The following NBAS variants were observed in gnomAD, a reference collection of about 807,000 sequenced individuals.
The protein encoded by NBAS is NBAS subunit of NRZ tethering complex.
A neutral mutation model predicts 302.5 loss-of-function variants in NBAS; 219 were observed. That is an observed-to-expected ratio of 0.72 (90% confidence interval 0.65 to 0.81). NBAS has a LOEUF of 0.81. Among genes scored for constraint, NBAS ranks in the 30% least tolerant of loss-of-function variants. The pLI is 0.00. For synonymous variants in NBAS, 1,118 were observed against 1,021.6 expected, an observed-to-expected ratio of 1.09 and a Z score of -1.80; for missense variants, 2,932 against 2,841.6, an observed-to-expected ratio of 1.03 and a Z score of -0.72.
Position 15,415,630 on chromosome 2 carries a change from A to C in NBAS, c.2853T>G (p.Asn951Lys), listed in dbSNP as rs1041925689. Reference protein sequence around the residue: ...RCEKQSPGVANELLKEYLVTL... With the variant: ...RCEKQSPGVAKELLKEYLVTL... ...TTACTAAATATTCTTTTAATAGCTCATTAGCCACACCAGGCGACTGTTTCT... is the reference window on the plus strand; with the variant it reads ...TTACTAAATATTCTTTTAATAGCTCCTTAGCCACACCAGGCGACTGTTTCT... The change falls in exon 25 of 52, where the codon AAT (asparagine) becomes AAG (lysine). Residue 951 changes from asparagine (N) to lysine (K), a missense_variant. Coordinates refer to ENST00000281513, the MANE Select transcript of NBAS (RefSeq NM_015909.4). 3 of 1,614,142 alleles carry C rather than the reference A, an allele frequency of 1.9e-6. No individual in the cohort carries two copies. The highest frequency in any genetic ancestry group is 1.7e-6 in the Non-Finnish European group (2 of 1,179,968).
chr2:15,450,935 A>G (rs1032444158), intron 21 of NBAS, among the ~76,000 whole-genome samples: 1 of 152,212 alleles, frequency 6.6e-6, no homozygotes, highest in Non-Finnish European at 1.5e-5. Context: ...CTTCTTATGG[A>G]AGACAACCTT....
At chr2:15,476,136 G>A (rs977281598) in intron 13 of NBAS, among the ~76,000 whole-genome samples, 1 of 152,056 alleles carries the variant, frequency 6.6e-6, no homozygotes, top group African/African-American at 2.4e-5. Context: ...AGGATACAAA[G>A]GCAAATAAAC....
At chr2:15,207,181 A>G (rs1001564399) in intron 48 of NBAS, among the ~76,000 whole-genome samples, 1 of 152,216 alleles carries the variant, frequency 6.6e-6, no homozygotes, top group African/African-American at 2.4e-5. Context: ...AGCCCTGGAT[A>G]TGAGACATGG....
intron 47 of NBAS, among the ~76,000 whole-genome samples, chr2:15,229,399 C>T (rs188530700): frequency 3.0e-5 from 4 of 132,840 alleles, no homozygotes; most frequent in Non-Finnish European, 6.5e-5. Flanking sequence ...ACCACCTAAA[C>T]GTGTACAATT....
chr2:15,174,703 A>G (rs1572395479), intron 51 of NBAS, among the ~76,000 whole-genome samples: 1 of 152,216 alleles, frequency 6.6e-6, no homozygotes, highest in Non-Finnish European at 1.5e-5. Flanking sequence ...TACTTAGGTT[A>G]AAAGCAGAAG....
intron 51 of NBAS, among the ~76,000 whole-genome samples, chr2:15,168,732 C>T (rs113616974): frequency 0.012 from 1,887 of 152,326 alleles, 45 homozygotes; most frequent in Admixed American, 0.06. Context: ...TGGGTTCAAG[C>T]GGTTCTCCTG....
chr2:14,914,132 G>A, the NBAS span, among the ~76,000 whole-genome samples: 1 of 152,074 alleles, frequency 6.6e-6, no homozygotes, highest in Non-Finnish European at 1.5e-5. Context: ...TCACTACCAC[G>A]AGAACAGTAT....
At chr2:15,092,152 C>G in the NBAS span, among the ~76,000 whole-genome samples, 2 of 152,200 alleles carry the variant, frequency 1.3e-5, no homozygotes, top group Non-Finnish European at 2.9e-5. Context: ...CACACTACTT[C>G]TCCACTTCAA....
In NBAS at chr2:15,385,042, C is replaced by A. The variant is rs1056362711; in HGVS notation, c.3258-1725G>T. Among the ~76,000 whole-genome samples, 11 of 152,258 alleles carry A rather than the reference C, an allele frequency of 7.2e-5. No homozygotes were observed. The South Asian group carries it at 1.2e-3, about 17-fold the overall frequency. On this transcript the variant is annotated intron_variant, in intron 28 of 51. Transcript: ENST00000281513. Reference sequence around the variant, plus strand: ...TAAAATTTTTAATAAGCACATGCTTCATTTGCCTATGCATTTAATATTTAT... The same window carrying A: ...TAAAATTTTTAATAAGCACATGCTTAATTTGCCTATGCATTTAATATTTAT...
At chr2:15,451,482 A>C (rs1338525127) in intron 21 of NBAS, among the ~76,000 whole-genome samples, 1 of 152,196 alleles carries the variant, frequency 6.6e-6, no homozygotes, top group Admixed American at 6.5e-5. Flanking sequence ...TAAGGCCTAC[A>C]GTATAGTAAA....
At position 15,488,939 on chromosome 2, in the gene NBAS, C is replaced by T. The variant is rs542114730; in HGVS notation, c.1038G>A (p.Ala346=). 3.7e-6 allele frequency: 6 copies of T among 1,613,892 alleles called. No homozygotes were observed. Among genetic ancestry groups the T allele is most frequent in the East Asian group, 4.5e-5 (2 of 44,850 alleles). ...IHFSGKLSIW[A]IPSLKQQGEW... ...CCCCTTGTTGCTTCAGAGATGGAAT[C>T]GCCCAGATGCTCAGTTTCCCTGAGA... The change falls in exon 12 of 52, where the codon GCG becomes GCA. Residue 346 remains alanine, a synonymous_variant. Coordinates refer to ENST00000281513, the MANE Select transcript of NBAS (RefSeq NM_015909.4).
At chr2:15,077,914 C>T in the NBAS span, among the ~76,000 whole-genome samples, 2 of 151,910 alleles carry the variant, frequency 1.3e-5, no homozygotes, top group African/African-American at 2.4e-5. Flanking sequence ...GAACTCCTGA[C>T]CTTGTGATCT....
At chr2:15,428,871 G>A (rs916949947) in intron 21 of NBAS, among the ~76,000 whole-genome samples, 2 of 150,088 alleles carry the variant, frequency 1.3e-5, no homozygotes, top group East Asian at 1.9e-4. Flanking sequence ...GTGAAACCCC[G>A]TTTCTACTAA....
the NBAS span, among the ~76,000 whole-genome samples, chr2:14,951,137 A>C: frequency 1.3e-5 from 2 of 152,234 alleles, no homozygotes; most frequent in Non-Finnish European, 2.9e-5. Context: ...TGCCTCCATC[A>C]GCGAATGTGA....
At chr2:15,316,354 A>G (rs181352765) in intron 38 of NBAS, among the ~76,000 whole-genome samples, 4 of 152,222 alleles carry the variant, frequency 2.6e-5, no homozygotes, top group Admixed American at 2.0e-4. Context: ...TACCTGGTTC[A>G]TCTCACTGGG....
At chr2:15,512,030 C>T (rs996470887) in intron 9 of NBAS, among the ~76,000 whole-genome samples, 3 of 152,068 alleles carry the variant, frequency 2.0e-5, no homozygotes, top group African/African-American at 7.2e-5. Context: ...GTACTTCTGG[C>T]AGGGATCTGT....
intron 26 of NBAS, among the ~76,000 whole-genome samples, chr2:15,398,832 G>A (rs940294938): frequency 6.6e-6 from 1 of 152,108 alleles, no homozygotes; most frequent in Non-Finnish European, 1.5e-5. Flanking sequence ...TTAGAAACAT[G>A]AAATGCAATC....
rs781152225 is a variant in NBAS at position 15,328,259 on chromosome 2, T to C, written c.4401A>G (p.Leu1467=). 112 of 1,613,844 alleles carry C rather than the reference T, an allele frequency of 6.9e-5. No homozygotes were observed. Among genetic ancestry groups the C allele is most frequent in the Non-Finnish European group, 9.3e-5 (110 of 1,179,916 alleles). The change falls in exon 37 of 52, where the codon CTA becomes CTG. Residue 1467 remains leucine, a synonymous_variant. Transcript: ENST00000281513. ...AAAAAGGATGACACCCTTGTTTCTCTAGATCTTCATTGGCTGTAGTTCCGA... is the reference window on the plus strand; with the variant it reads ...AAAAAGGATGACACCCTTGTTTCTCCAGATCTTCATTGGCTGTAGTTCCGA... The part of the protein sequence containing the change: ...YQIGTTANED[L]EKQGCHPFYE...
rs748880753 is a variant in NBAS at position 15,534,609 on chromosome 2, T to G, written c.680A>C (p.His227Pro). The part of the protein sequence containing the change: ...VGTNQSYQES[H>P]CFSFSSHYPH... ...ATAATGACTACTGAAGCTGAAACAG[T>G]GACTTTCTTGGTAGCTCTGATTTGT... The change falls in exon 9 of 52, where the codon CAC (histidine) becomes CCC (proline). Residue 227 changes from histidine (H) to proline (P), a missense_variant. Transcript: ENST00000281513. 5 of 1,613,720 alleles carry G rather than the reference T, an allele frequency of 3.1e-6. No homozygotes were observed. In the Admixed American group the frequency reaches 5.0e-5, roughly 16 times the overall value.
Sources: allele counts gnomAD v4.1 joint callset (sites outside exome capture counted in the v4.1 genomes callset), GRCh38; gene constraint gnomAD v4.1.1; transcripts MANE v1.5; gene names NCBI Gene and HGNC (gene_info 2026-07-23, HGNC 2026-07-21).